Variants in ANO3 observed in about 807,000 individuals in gnomAD.
ANO3 encodes anoctamin 3.
In ANO3, 99 loss-of-function variants were observed where a neutral mutation model predicts 144.8. The observed-to-expected ratio is 0.68, with a 90% CI of 0.58 to 0.81. ANO3 has a LOEUF of 0.81. Among genes scored for constraint, ANO3 ranks in the 30% least tolerant of loss-of-function variants. The pLI is 0.00. For missense variants in ANO3, 905 were observed against 1,202.2 expected, an observed-to-expected ratio of 0.75 and a Z score of 3.66; for synonymous variants, 414 against 392.6, an observed-to-expected ratio of 1.05 and a Z score of -0.64.
intron 13 of ANO3, among the ~76,000 whole-genome samples, chr11:26,555,808 G>C (rs1850067208): frequency 6.6e-6 from 1 of 151,960 alleles, no homozygotes; most frequent in African/African-American, 2.4e-5. Context: ...TTTATTGATG[G>C]GTAGAATCAG....
chr11:26,626,857 G>A (rs1852602771), intron 18 of ANO3, among the ~76,000 whole-genome samples: 4 of 151,548 alleles, frequency 2.6e-5, no homozygotes, highest in Admixed American at 2.6e-4. Context: ...TATCTTCCAA[G>A]TATTCTCCTG....
intron 17 of ANO3, among the ~76,000 whole-genome samples, chr11:26,623,200 G>C (rs1163930635): frequency 6.6e-6 from 1 of 152,166 alleles, no homozygotes; most frequent in East Asian, 1.9e-4. Flanking sequence ...TTAACTCTTA[G>C]GAAGGGGCAG....
intron 20 of ANO3, among the ~76,000 whole-genome samples, chr11:26,638,428 A>G (rs966131596): frequency 2.6e-5 from 4 of 152,222 alleles, no homozygotes; most frequent in Non-Finnish European, 4.4e-5. Context: ...ATTGTGGGAC[A>G]TTCCACAGGG....
chr11:26,491,179 A>G (rs1860694044), intron 4 of ANO3, among the ~76,000 whole-genome samples: 1 of 152,176 alleles, frequency 6.6e-6, no homozygotes, highest in Non-Finnish European at 1.5e-5. Context: ...TATTATGGAA[A>G]TGGTGAAACA....
intron 1 of ANO3, among the ~76,000 whole-genome samples, chr11:26,297,949 T>C (rs763093789): frequency 6.6e-6 from 1 of 152,204 alleles, no homozygotes; most frequent in Non-Finnish European, 1.5e-5. Context: ...TTCTTTCCAC[T>C]ATACCCTCCT....
intron 1 of ANO3, among the ~76,000 whole-genome samples, chr11:26,354,237 A>G (rs1163056604): frequency 6.6e-6 from 1 of 152,188 alleles, no homozygotes; most frequent in Non-Finnish European, 1.5e-5. Flanking sequence ...CTGGATATCT[A>G]CTATGACATA....
chr11:26,252,239 T>C (rs910752515), intron 1 of ANO3, among the ~76,000 whole-genome samples: 6 of 152,242 alleles, frequency 3.9e-5, no homozygotes, highest in Non-Finnish European at 8.8e-5. Flanking sequence ...AGTCTGATTC[T>C]AGAGTATAAA....
intron 17 of ANO3, among the ~76,000 whole-genome samples, chr11:26,605,287 A>C (rs2132947087): frequency 6.6e-6 from 1 of 152,228 alleles, no homozygotes; most frequent in South Asian, 2.1e-4. Flanking sequence ...GTGGTGGATA[A>C]GTTTTTTGAT....
chr11:26,534,311 TTTTCTC>T, intron 8 of ANO3, 139 bp from the exon 9 acceptor site: 1 of 545,286 alleles, frequency 1.8e-6, no homozygotes, highest in Non-Finnish European at 3.3e-6. Context: ...TATGAATTCT[TTTTCTC>T]TGTCAATTTT....
At chr11:26,204,844 C>A (rs12287891) in intron 1 of ANO3, among the ~76,000 whole-genome samples, 1,696 of 152,280 alleles carry the variant, frequency 0.011, 28 homozygotes, top group African/African-American at 0.039. Flanking sequence ...ATGTGCCTAG[C>A]ACCTTTCTTT....
intron 1 of ANO3, among the ~76,000 whole-genome samples, chr11:26,231,806 A>G (rs1389663550): frequency 6.6e-6 from 1 of 152,200 alleles, no homozygotes; most frequent in Non-Finnish European, 1.5e-5. Flanking sequence ...GATCGTAGTC[A>G]ATAAATGTTA....
At chr11:26,488,011 C>T (rs1203303138) in intron 4 of ANO3, among the ~76,000 whole-genome samples, 1 of 151,884 alleles carries the variant, frequency 6.6e-6, no homozygotes. Flanking sequence ...ACTAAAAATA[C>T]AAAAATTAGC....
chr11:26,540,217 T>C (rs1025671653), intron 10 of ANO3, among the ~76,000 whole-genome samples: 4 of 152,146 alleles, frequency 2.6e-5, no homozygotes, highest in Non-Finnish European at 5.9e-5. Context: ...ATTTTAAAGA[T>C]ACTACCATGT....
chr11:26,218,820 C>A (rs1852085246), intron 1 of ANO3, among the ~76,000 whole-genome samples: 1 of 151,984 alleles, frequency 6.6e-6, no homozygotes, highest in African/African-American at 2.4e-5. Context: ...TTTGTGTGAA[C>A]ACAAAACTTA....
chr11:26,600,104 A>G (rs1181105506), intron 17 of ANO3, among the ~76,000 whole-genome samples: 2 of 152,144 alleles, frequency 1.3e-5, no homozygotes, highest in African/African-American at 4.8e-5. Context: ...ATATGGGAAA[A>G]TCTTTTTGAA....
chr11:26,285,196 A>G (rs11828936), intron 1 of ANO3, among the ~76,000 whole-genome samples: 230 of 152,286 alleles, frequency 1.5e-3, no homozygotes, highest in African/African-American at 5.3e-3. Flanking sequence ...ATAGTAATGC[A>G]TATTTTGTAA....
intron 1 of ANO3, among the ~76,000 whole-genome samples, chr11:26,406,316 T>A (rs915911086): frequency 1.3e-5 from 2 of 151,794 alleles, no homozygotes; most frequent in Non-Finnish European, 2.9e-5. Context: ...TACATAGCCC[T>A]CATGACTTAA....
In ANO3 at chr11:26,488,026, C is replaced by T. The variant is rs540643202; in HGVS notation, c.433-20078C>T. 1.2e-4 allele frequency among the ~76,000 whole-genome samples: 19 copies of T among 152,068 alleles called. 1 individual carries two copies. In the South Asian group the frequency reaches 2.7e-3, roughly 22 times the overall value. On this transcript the variant is annotated intron_variant, in intron 4 of 26. Coordinates refer to ENST00000256737, the MANE Select transcript of ANO3 (RefSeq NM_031418.4). ...ACTAAAAATACAAAAATTAGCTGGG[C>T]GTGGTGGCACACACCTGTAGTCCCA...
intron 14 of ANO3, among the ~76,000 whole-genome samples, chr11:26,584,835 G>A (rs1851232824): frequency 6.6e-6 from 1 of 152,190 alleles, no homozygotes; most frequent in Non-Finnish European, 1.5e-5. Context: ...GCTGTGAACT[G>A]TAAACTGAGG....
Sources: allele counts gnomAD v4.1 joint callset (sites outside exome capture counted in the v4.1 genomes callset), GRCh38; gene constraint gnomAD v4.1.1; transcripts MANE v1.5; gene names NCBI Gene and HGNC (gene_info 2026-07-23, HGNC 2026-07-21).